PDE4D: variants seen among roughly 807,000 people sequenced by gnomAD.
PDE4D encodes the protein phosphodiesterase 4D.
A neutral mutation model predicts 87.4 loss-of-function variants in PDE4D; 24 were observed. The ratio of observed to expected loss-of-function variants is 0.27; its 90% CI spans 0.20 to 0.39. The LOEUF (loss-of-function observed/expected upper bound fraction) is 0.39, where lower values mean the gene tolerates loss of function less well. PDE4D is among the 10% of genes least tolerant of loss of function. The pLI, the probability that PDE4D is intolerant of heterozygous loss-of-function variation, is 1.00. For synonymous variants in PDE4D, 384 were observed against 383.2 expected (o/e 1.00, Z -0.02); for missense variants, 714 against 1,041.0 (o/e 0.69, Z 4.32).
At chr5:60,182,741 G>A (rs899797703) in intron 2 of PDE4D, among the ~76,000 whole-genome samples, 21 of 152,160 alleles carry the variant, frequency 1.4e-4, no homozygotes, top group African/African-American at 2.4e-4. Context: ...TTAGCCGAGC[G>A]TGGTGGCGGG....
At chr5:59,798,527 A>G (rs925355267) in intron 1 of PDE4D, among the ~76,000 whole-genome samples, 4 of 152,266 alleles carry the variant, frequency 2.6e-5, no homozygotes, top group Admixed American at 6.5e-5. Flanking sequence ...AGTAAGAAAA[A>G]TCTGGAGTTC....
chr5:59,439,872 G>A (rs1797333517), intron 1 of PDE4D, among the ~76,000 whole-genome samples: 2 of 152,284 alleles, frequency 1.3e-5, no homozygotes, highest in East Asian at 1.9e-4. Context: ...CTAGGTGCAG[G>A]CATGGGCAGT....
Position 59,362,495 on chromosome 5 carries a change from T to C in PDE4D, c.456-146527A>G, listed in dbSNP as rs546029813. Among the ~76,000 whole-genome samples the C allele has an allele frequency of 1.0e-4, 15 of 145,624 alleles. No homozygotes were observed. The South Asian group carries it at 2.0e-3, about 19-fold the overall frequency. On this transcript the variant is annotated intron_variant, in intron 1 of 14. Transcript: ENST00000340635. ...GCAGCATTAAAACCCTCTAAGAACTTTGTTTACAAGATCTAAAAAAAATTA... is the reference window on the plus strand; with the variant it reads ...GCAGCATTAAAACCCTCTAAGAACTCTGTTTACAAGATCTAAAAAAAATTA...
intron 5 of PDE4D, among the ~76,000 whole-genome samples, chr5:59,082,688 G>A (rs763357235): frequency 3.9e-5 from 6 of 152,164 alleles, no homozygotes; most frequent in Middle Eastern, 3.4e-3. Context: ...AAAACTTGAA[G>A]AATATATCTA....
chr5:59,919,513 G>A (rs1210243776), intron 3 of PDE4D, among the ~76,000 whole-genome samples: 1 of 152,128 alleles, frequency 6.6e-6, no homozygotes, highest in Non-Finnish European at 1.5e-5. Flanking sequence ...TCATCCCTAT[G>A]TAGGTAACTA....
chr5:59,008,467 T>C (rs1752098877), intron 6 of PDE4D, among the ~76,000 whole-genome samples: 1 of 152,028 alleles, frequency 6.6e-6, no homozygotes, highest in Non-Finnish European at 1.5e-5. Flanking sequence ...TTTTAAGTAA[T>C]AAAATTTGAG....
intron 1 of PDE4D, among the ~76,000 whole-genome samples, chr5:60,307,202 A>T (rs1251815962): frequency 2.0e-5 from 3 of 152,178 alleles, no homozygotes; most frequent in Non-Finnish European, 2.9e-5. Context: ...CGACACAGAA[A>T]CAGAAGCATT....
intron 1 of PDE4D, among the ~76,000 whole-genome samples, chr5:59,872,058 C>T (rs1237151925): frequency 6.6e-6 from 1 of 152,084 alleles, no homozygotes; most frequent in Admixed American, 6.6e-5. Context: ...CCCTTTCAGT[C>T]TTAGAGGTGC....
intron 2 of PDE4D, among the ~76,000 whole-genome samples, chr5:60,099,772 T>C (rs1582646031): frequency 6.6e-6 from 1 of 152,020 alleles, no homozygotes; most frequent in South Asian, 2.1e-4. Context: ...CTTTCAGACT[T>C]TGCTGTAGGA....
chr5:58,988,399 T>G (rs1747012326), intron 11 of PDE4D, 94 bp downstream of exon 11: 1 of 462,246 alleles, frequency 2.2e-6, no homozygotes, highest in South Asian at 6.1e-5. Flanking sequence ...AAAAGAACAT[T>G]ATGGCTCTGG....
At chr5:60,234,301 T>C (rs570511086) in intron 1 of PDE4D, among the ~76,000 whole-genome samples, 1 of 151,974 alleles carries the variant, frequency 6.6e-6, no homozygotes, top group South Asian at 2.1e-4. Flanking sequence ...TTCTCAATAA[T>C]ACCTCACCGT....
In PDE4D at chr5:58,975,320, T is replaced by G. The variant is rs1743442965; in HGVS notation, c.2014-240A>C. Among the ~76,000 whole-genome samples, 1 of 152,174 alleles carries G rather than the reference T, an allele frequency of 6.6e-6. No individual in the cohort carries two copies. Among genetic ancestry groups the G allele is most frequent in the African/African-American group, 2.4e-5 (1 of 41,444 alleles). On this transcript the variant is annotated intron_variant, in intron 14 of 14. Transcript: ENST00000340635. This position sits in a 1 kb window ranked among gnomAD's most constrained non-coding sequence, Gnocchi z 4.2. ...GAGCATGTTCTATAGCATAAAAAAT[T>G]TTCCAGTTGTTGACATGGTAGGGCT...
At chr5:59,462,767 G>C (rs1800967504) in intron 1 of PDE4D, among the ~76,000 whole-genome samples, 1 of 152,110 alleles carries the variant, frequency 6.6e-6, no homozygotes, top group South Asian at 2.1e-4. Context: ...TTTAACAGTA[G>C]AATGAACTGT....
rs531335889 is a variant in PDE4D, at chr5:59,052,115, C to A, written c.809-13144G>T. 9.8e-5 allele frequency among the ~76,000 whole-genome samples: 15 copies of A among 152,290 alleles called. 1 individual carries two copies. In the South Asian group the frequency reaches 3.1e-3, roughly 32 times the overall value. On this transcript the variant is annotated intron_variant, in intron 5 of 14. Coordinates refer to ENST00000340635, the MANE Select transcript of PDE4D (RefSeq NM_001104631.2). ...CTGCTGAGAAAATCAGACACATGAT[C>A]GGCTGCTGCCTAGAGACAGTGTAAG...
At position 60,357,836 on chromosome 5, in the gene PDE4D, G is replaced by A. The variant is rs117688098; in HGVS notation, c.-90+130106C>T. ...AATAATATGTTTTTATTCAACTAGCGTTTCTCATACATCCTCAAATACTGA... is the reference window on the plus strand; with the variant it reads ...AATAATATGTTTTTATTCAACTAGCATTTCTCATACATCCTCAAATACTGA... On this transcript the variant is annotated intron_variant, in intron 1 of 16. Transcript: ENST00000502484. Among the ~76,000 whole-genome samples, 95 of 152,146 alleles carry A rather than the reference G, an allele frequency of 6.2e-4. 1 individual carries two copies. The East Asian group carries it at 0.011, about 17-fold the overall frequency.
At chr5:60,322,418 A>T (rs943242733) in intron 1 of PDE4D, among the ~76,000 whole-genome samples, 4 of 142,234 alleles carry the variant, frequency 2.8e-5, no homozygotes, top group African/African-American at 1.1e-4. Flanking sequence ...ACACACACAA[A>T]ACCCTAACAT....
At chr5:59,638,830 T>A (rs1193328936) in intron 1 of PDE4D, among the ~76,000 whole-genome samples, 1 of 152,168 alleles carries the variant, frequency 6.6e-6, no homozygotes, top group African/African-American at 2.4e-5. Flanking sequence ...AGGTATGAGA[T>A]GTCCTGAAGC....
At chr5:59,321,731 A>G (rs1774755127) in intron 1 of PDE4D, among the ~76,000 whole-genome samples, 1 of 152,088 alleles carries the variant, frequency 6.6e-6, no homozygotes, top group African/African-American at 2.4e-5. Context: ...GAAGCCACAG[A>G]ATGAAAGGAG....
At chr5:59,147,816 C>A (rs530481160) in intron 5 of PDE4D, among the ~76,000 whole-genome samples, 1 of 152,130 alleles carries the variant, frequency 6.6e-6, no homozygotes, top group Admixed American at 6.5e-5. Flanking sequence ...TAAAGTCCAG[C>A]GAAATACAGT....
Sources: allele counts gnomAD v4.1 joint callset (sites outside exome capture counted in the v4.1 genomes callset), GRCh38; gene constraint gnomAD v4.1.1; non-coding constraint Gnocchi (gnomAD v3.1); transcripts MANE v1.5; gene names NCBI Gene and HGNC (gene_info 2026-07-23, HGNC 2026-07-21).